Variants in ARHGEF38 observed in about 807,000 individuals in gnomAD.
The protein encoded by ARHGEF38 is Rho guanine nucleotide exchange factor (GEF) 38.
Under a neutral mutation model 79.9 loss-of-function variants are expected in ARHGEF38, and 79 were observed. The observed-to-expected ratio is 0.99, with a 90% confidence interval of 0.82 to 1.19. The LOEUF is 1.19. Ranked by LOEUF, ARHGEF38 falls within the 50% of genes most tolerant of loss-of-function variation. The pLI is 0.00. For missense variants in ARHGEF38, 962 were observed against 907.2 expected (o/e 1.06, Z -0.78); for synonymous variants, 366 against 328.3 (o/e 1.11, Z -1.24).
At chr4:105,577,809 ATCT>A (rs1310676462) in intron 1 of ARHGEF38, among the ~76,000 whole-genome samples, 1 of 151,910 alleles carries the variant, frequency 6.6e-6, no homozygotes, top group Admixed American at 6.6e-5. Context: ...GCATATTTGA[ATCT>A]TCTCTCTTTT....
chr4:105,633,612 G>C (rs1560735539), intron 4 of ARHGEF38, among the ~76,000 whole-genome samples: 1 of 152,178 alleles, frequency 6.6e-6, no homozygotes, highest in Non-Finnish European at 1.5e-5. Flanking sequence ...ATCCACGAGA[G>C]AGGTGGCTTC....
chr4:105,674,009 A>G (rs190619358), intron 13 of ARHGEF38, among the ~76,000 whole-genome samples: 4 of 152,300 alleles, frequency 2.6e-5, no homozygotes, highest in Admixed American at 2.0e-4. Context: ...ATTAACATAT[A>G]TTATGACTTT....
At chr4:105,601,136 T>C (rs1727803805) in intron 2 of ARHGEF38, among the ~76,000 whole-genome samples, 1 of 152,166 alleles carries the variant, frequency 6.6e-6, no homozygotes, top group South Asian at 2.1e-4. Flanking sequence ...AAACCTAATA[T>C]ACTCATGATG....
chr4:105,671,004 A>G (rs1395544507), intron 13 of ARHGEF38, among the ~76,000 whole-genome samples: 1 of 152,220 alleles, frequency 6.6e-6, no homozygotes, highest in African/African-American at 2.4e-5. Context: ...CTATCAATAT[A>G]TATAATGTGA....
At chr4:105,603,242 T>C (rs1303413571) in intron 2 of ARHGEF38, among the ~76,000 whole-genome samples, 6 of 152,160 alleles carry the variant, frequency 3.9e-5, no homozygotes, top group Non-Finnish European at 1.5e-5. Context: ...CAGCAACTTA[T>C]GAAGCAGGTT....
intron 1 of ARHGEF38, among the ~76,000 whole-genome samples, chr4:105,583,762 TAGTAAGCC>T (rs1402753422): frequency 6.6e-6 from 1 of 152,202 alleles, no homozygotes; most frequent in African/African-American, 2.4e-5. Context: ...TTTGGGCTCA[TAGTAAGCC>T]CTTACTATTT....
At chr4:105,651,136 T>A (rs1730086599) in intron 7 of ARHGEF38, among the ~76,000 whole-genome samples, 1 of 152,242 alleles carries the variant, frequency 6.6e-6, no homozygotes, top group Admixed American at 6.5e-5. Flanking sequence ...AAGACATTTA[T>A]CATCAACTTC....
At chr4:105,667,070 C>T (rs902018667) in intron 11 of ARHGEF38, 59 bp from the exon 12 acceptor site, 1 of 1,357,040 alleles carries the variant, frequency 7.4e-7, no homozygotes, top group African/African-American at 1.5e-5. Flanking sequence ...TATTTACCAA[C>T]TCCATGAGGA....
intron 1 of ARHGEF38, among the ~76,000 whole-genome samples, chr4:105,558,264 T>C (rs1725347896): frequency 6.6e-6 from 1 of 152,170 alleles, no homozygotes; most frequent in South Asian, 2.1e-4. Flanking sequence ...AGACAGTCTG[T>C]CAGGGAGCAG....
rs113434850 is a variant in ARHGEF38, at chr4:105,602,912, C to G, written c.385-10472C>G. Among the ~76,000 whole-genome samples, 742 of 152,262 alleles carry G rather than the reference C, an allele frequency of 4.9e-3. 10 individuals are homozygous for G. The highest frequency in any genetic ancestry group is 0.017 in the African/African-American group (686 of 41,560). On this transcript the variant is annotated intron_variant, in intron 2 of 13. Coordinates refer to ENST00000420470, the MANE Select transcript of ARHGEF38 (RefSeq NM_001242729.2). ...CCTAAAATCAGCACTCACTCCTGCTCCCTTCCTTATCCTTATTGTCTGTGG... is the reference window on the plus strand; with the variant it reads ...CCTAAAATCAGCACTCACTCCTGCTGCCTTCCTTATCCTTATTGTCTGTGG...
chr4:105,599,797 C>T (rs1214600410), intron 2 of ARHGEF38, among the ~76,000 whole-genome samples: 1 of 152,096 alleles, frequency 6.6e-6, no homozygotes, highest in Non-Finnish European at 1.5e-5. Flanking sequence ...GCACTTTAGA[C>T]ACAGGCAAGG....
At chr4:105,588,206 A>T (rs954174674) in intron 1 of ARHGEF38, among the ~76,000 whole-genome samples, 1 of 152,236 alleles carries the variant, frequency 6.6e-6, no homozygotes, top group Non-Finnish European at 1.5e-5. Context: ...TTTACTGTAC[A>T]GACTCTTTAT....
intron 1 of ARHGEF38, among the ~76,000 whole-genome samples, chr4:105,566,650 G>A (rs1220632306): frequency 1.3e-5 from 2 of 151,816 alleles, no homozygotes; most frequent in African/African-American, 2.4e-5. Flanking sequence ...AGCAAATACT[G>A]GGACTTACTT....
intron 4 of ARHGEF38, chr4:105,631,807 C>A: frequency 1.8e-6 from 1 of 552,730 alleles, no homozygotes; most frequent in Non-Finnish European, 2.3e-6. Flanking sequence ...AGTTTCCTAT[C>A]ACATGAAGCT....
At chr4:105,585,228 C>T (rs1726978438) in intron 1 of ARHGEF38, among the ~76,000 whole-genome samples, 1 of 152,192 alleles carries the variant, frequency 6.6e-6, no homozygotes, top group Non-Finnish European at 1.5e-5. Flanking sequence ...TCTCAAGGAG[C>T]TTCCACATGG....
chr4:105,669,049 A>AAAT (rs986953894), intron 13 of ARHGEF38, among the ~76,000 whole-genome samples: 14 of 151,866 alleles, frequency 9.2e-5, no homozygotes, highest in South Asian at 4.1e-4. Flanking sequence ...CTGTCTTTAG[A>AAAT]AATAATAATA....
intron 2 of ARHGEF38, among the ~76,000 whole-genome samples, chr4:105,593,821 T>G (rs146843344): frequency 6.6e-6 from 1 of 150,510 alleles, no homozygotes; most frequent in Admixed American, 6.6e-5. Context: ...TTATAAGCAG[T>G]TCTCAGAATT....
At chr4:105,642,495 G>A (rs925183278) in intron 5 of ARHGEF38, among the ~76,000 whole-genome samples, 1 of 152,138 alleles carries the variant, frequency 6.6e-6, no homozygotes, top group Non-Finnish European at 1.5e-5. Context: ...ACACAACAGA[G>A]CCTAAGTTGG....
chr4:105,659,457 C>T, intron 10 of ARHGEF38, 92 bp downstream of exon 10: 2 of 1,227,966 alleles, frequency 1.6e-6, no homozygotes, highest in African/African-American at 1.5e-5. Flanking sequence ...AGAGTGTGCA[C>T]ATGTATGCCG....
Sources: allele counts gnomAD v4.1 joint callset (sites outside exome capture counted in the v4.1 genomes callset), GRCh38; gene constraint gnomAD v4.1.1; transcripts MANE v1.5; gene names NCBI Gene and HGNC (gene_info 2026-07-23, HGNC 2026-07-21).